DNAH7: variants seen among roughly 807,000 people sequenced by gnomAD.
DNAH7 encodes the protein axonemal beta dynein heavy chain 7.
In DNAH7, 397 loss-of-function variants were observed where a neutral mutation model predicts 444.6. The ratio of observed to expected loss-of-function variants is 0.89; its 90% CI spans 0.82 to 0.97. DNAH7 has a LOEUF of 0.97. Ranked by LOEUF, DNAH7 falls within the 50% of genes least tolerant of loss-of-function variation. The pLI, the probability that DNAH7 is intolerant of heterozygous loss-of-function variation, is 0.00. For missense variants in DNAH7, 4,902 were observed against 4,800.8 expected (o/e 1.02, Z -0.62); for synonymous variants, 1,636 against 1,624.4 (o/e 1.01, Z -0.17).
At chr2:196,024,368 A>T in intron 8 of DNAH7, 61 bp downstream of exon 8, 1 of 1,051,560 alleles carries the variant, frequency 9.5e-7, no homozygotes, top group Non-Finnish European at 1.3e-6. Context: ...ATAATTGGTG[A>T]TATAAACATA....
chr2:195,882,470 AG>A (rs1367428387), intron 35 of DNAH7, among the ~76,000 whole-genome samples: 1 of 152,222 alleles, frequency 6.6e-6, no homozygotes, highest in Non-Finnish European at 1.5e-5. Context: ...AAAAATGTAT[AG>A]AAAAAAATAT....
At chr2:195,779,415 T>A (rs184936650) in intron 58 of DNAH7, among the ~76,000 whole-genome samples, 34 of 152,306 alleles carry the variant, frequency 2.2e-4, no homozygotes, top group African/African-American at 7.9e-4. Flanking sequence ...CCAGTCTGCT[T>A]TTCCAAAAAG....
chr2:195,826,432 T>A (rs930395283), intron 48 of DNAH7, among the ~76,000 whole-genome samples: 6 of 152,190 alleles, frequency 3.9e-5, no homozygotes, highest in Non-Finnish European at 8.8e-5. Context: ...TCAAAATAAA[T>A]TTTTCAGTTA....
At chr2:195,998,585 T>G (rs958747874) in intron 12 of DNAH7, among the ~76,000 whole-genome samples, 4 of 151,354 alleles carry the variant, frequency 2.6e-5, no homozygotes, top group African/African-American at 9.7e-5. Context: ...AAAAAAAAGT[T>G]ACTTTTCTTC....
chr2:196,036,374 C>T (rs1428978676), intron 5 of DNAH7, among the ~76,000 whole-genome samples: 1 of 152,106 alleles, frequency 6.6e-6, no homozygotes, highest in Non-Finnish European at 1.5e-5. Context: ...CCTACATCCA[C>T]CCAGAGGGCT....
chr2:195,998,314 C>A (rs1370610461), intron 12 of DNAH7, among the ~76,000 whole-genome samples: 2 of 152,114 alleles, frequency 1.3e-5, no homozygotes, highest in African/African-American at 4.8e-5. Flanking sequence ...GTGGCTCATG[C>A]CTATAATCCC....
chr2:196,000,252 A>G (rs752003470), intron 12 of DNAH7, among the ~76,000 whole-genome samples: 1 of 152,188 alleles, frequency 6.6e-6, no homozygotes, highest in South Asian at 2.1e-4. Context: ...CTAGATTCCA[A>G]TAACTACTGT....
At position 195,737,853 on chromosome 2, in the gene DNAH7, T is replaced by A; in HGVS notation, c.*68A>T. 4.2e-6 allele frequency: 6 copies of A among 1,413,822 alleles called. No individual in the cohort carries two copies. The highest frequency in any genetic ancestry group is 2.5e-5 in the South Asian group (2 of 79,356). 87.6% of individuals were successfully genotyped at this position (1,413,822 alleles called of 1,614,324 possible). The stretch of plus-strand genomic sequence containing the variant: ...AAACAAACAAAAAAAAAGGTTTAAG[T>A]AGTAAAATATGCTTTCTCTACTCAG... On this transcript the variant is annotated 3_prime_UTR_variant, in exon 65 of 65. Coordinates refer to ENST00000312428, the MANE Select transcript of DNAH7 (RefSeq NM_018897.3).
chr2:195,824,731 C>G (rs1304798571), intron 48 of DNAH7, among the ~76,000 whole-genome samples: 1 of 152,096 alleles, frequency 6.6e-6, no homozygotes, highest in African/African-American at 2.4e-5. Flanking sequence ...GTTCACCAGG[C>G]GCCCAGGTAT....
At chr2:195,932,515 T>C (rs62203360) in intron 21 of DNAH7, among the ~76,000 whole-genome samples, 14,394 of 152,104 alleles carry the variant, frequency 0.095, 768 homozygotes, top group African/African-American at 0.14. Flanking sequence ...GGAATGCTTC[T>C]AGTTTTTGCC....
chr2:195,884,447 G>A (rs1427673610), intron 35 of DNAH7, 138 bp downstream of exon 35: 2 of 657,726 alleles, frequency 3.0e-6, no homozygotes, highest in East Asian at 5.5e-5. Flanking sequence ...CTTCAAGCCA[G>A]TGCATCTTCC....
intron 63 of DNAH7, among the ~76,000 whole-genome samples, chr2:195,748,772 T>A (rs1693595787): frequency 2.6e-5 from 4 of 152,190 alleles, no homozygotes; most frequent in African/African-American, 9.7e-5. Context: ...CTGGGAAAAC[T>A]GGCTAGCCAT....
chr2:195,857,443 A>G lies in DNAH7; in HGVS notation c.8348T>C (p.Ile2783Thr). Residue 2783 changes from isoleucine (I) to threonine (T), a missense_variant, in exon 44 of 65, where the codon ATC becomes ACC. Physicochemically the swap from Ile to Thr is moderately conservative, Grantham distance 89 (BLOSUM62 -1). Transcript: ENST00000312428. ...IPNPDFVPEK[I>T]RNASTAAEGL... The stretch of plus-strand genomic sequence containing the variant: ...TTCGGCCGCTGTAGAAGCATTTCTG[A>G]TTTTTTCTGGTACAAAATCTGGATT... 1 of 1,612,724 alleles carries G rather than the reference A, an allele frequency of 6.2e-7. No individual in the cohort carries two copies.
chr2:195,747,809 T>G (rs1693521366), intron 63 of DNAH7, among the ~76,000 whole-genome samples: 2 of 152,116 alleles, frequency 1.3e-5, no homozygotes, highest in South Asian at 2.1e-4. Context: ...AAACTCTCAA[T>G]AAATTAGGTA....
chr2:195,777,649 G>A (rs1695121576), intron 59 of DNAH7, 151 bp downstream of exon 59: 2 of 704,362 alleles, frequency 2.8e-6, no homozygotes, highest in Middle Eastern at 4.1e-4. Flanking sequence ...TATAGCGTGA[G>A]CTTTGTTTTA....
At chr2:196,058,016 A>G in intron 2 of DNAH7, 38 bp downstream of exon 2, 1 of 1,380,348 alleles carries the variant, frequency 7.2e-7, no homozygotes, top group Non-Finnish European at 9.6e-7. Context: ...AAACATTATC[A>G]TAAAGGAATG....
Position 196,000,601 on chromosome 2 carries a change from T to C in DNAH7, c.1353+103A>G, listed in dbSNP as rs1241970500. The C allele has an allele frequency of 4.0e-6, 4 of 1,000,246 alleles. No individual in the cohort carries two copies. The African/African-American group carries it at 5.0e-5, about 12-fold the overall frequency. 62.0% of individuals were successfully genotyped at this position (1,000,246 alleles called of 1,614,324 possible). On this transcript the variant is annotated intron_variant, in intron 12 of 64. Coordinates refer to ENST00000312428, the MANE Select transcript of DNAH7 (RefSeq NM_018897.3). Reference sequence around the variant, plus strand: ...AAACTTTCTTATAAGCCAACATTATTATATTCTGTGAAGCAGAGGATACCT... The same window carrying C: ...AAACTTTCTTATAAGCCAACATTATCATATTCTGTGAAGCAGAGGATACCT...
At chr2:195,949,735 T>G (rs1423888332) in intron 19 of DNAH7, among the ~76,000 whole-genome samples, 1 of 152,206 alleles carries the variant, frequency 6.6e-6, no homozygotes. Flanking sequence ...ATATTGGCTG[T>G]GGGTTTGTCA....
At chr2:195,902,792 T>C (rs1236616533) in intron 27 of DNAH7, 1 of 152,162 alleles carries the variant, frequency 6.6e-6, no homozygotes, top group Admixed American at 6.6e-5. Context: ...ACAATGATAC[T>C]TAACACAATG....
Sources: gnomAD v4.1 joint callset for allele counts (sites outside exome capture counted in the v4.1 genomes callset) on GRCh38, gnomAD v4.1.1 for gene constraint, MANE v1.5 for transcripts, NCBI Gene and HGNC (gene_info 2026-07-23, HGNC 2026-07-21) for gene names.